Variants in LECT2 observed in about 807,000 individuals in gnomAD.
The protein encoded by LECT2 is leukocyte cell-derived chemotaxin-2.
In LECT2, 11 loss-of-function variants were observed where a neutral mutation model predicts 16.6. That is an observed-to-expected ratio of 0.66 (90% confidence interval 0.42 to 1.09). LECT2 has a LOEUF of 1.09. Ranked by LOEUF, LECT2 falls within the 50% of genes least tolerant of loss-of-function variation. The probability of loss-of-function intolerance (pLI) is 0.00; values close to 1 mark genes in which losing one functional copy is unlikely to be tolerated. For missense variants in LECT2, 173 were observed against 184.2 expected (o/e 0.94, Z 0.35); for synonymous variants, 54 against 64.8 (o/e 0.83, Z 0.80).
chr5:135,951,642 T>A (rs1407644695), intron 2 of LECT2: 1 of 336,054 alleles, frequency 3.0e-6, no homozygotes, highest in East Asian at 4.6e-5. Context: ...TATTATTTTA[T>A]GGCATGTTGG....
rs1017905760 is a variant in LECT2 at position 135,947,134 on chromosome 5, T to G, written c.*197A>C. On this transcript the variant is annotated 3_prime_UTR_variant, in exon 4 of 4. Coordinates refer to ENST00000274507, the MANE Select transcript of LECT2 (RefSeq NM_002302.3). ...TAATTAAAAAATTTTTGTGGGTACATAGGTGTATTTGTTTATGAGGTACGT... is the reference window on the plus strand; with the variant it reads ...TAATTAAAAAATTTTTGTGGGTACAGAGGTGTATTTGTTTATGAGGTACGT... The G allele has an allele frequency of 2.7e-5, 12 of 442,302 alleles. No homozygotes were observed. The South Asian group carries it at 8.4e-4, about 31-fold the overall frequency. 27.4% of individuals were successfully genotyped at this position (442,302 alleles called of 1,614,324 possible).
intron 1 of LECT2, among the ~76,000 whole-genome samples, chr5:135,953,809 G>A (rs1033037758): frequency 4.6e-5 from 7 of 152,124 alleles, no homozygotes; most frequent in African/African-American, 1.7e-4. Context: ...CATGGAAGAG[G>A]GAGATTCTTA....
intron 1 of LECT2, 36 bp from the exon 2 acceptor site, chr5:135,953,003 C>T (rs1240127949): frequency 7.0e-7 from 1 of 1,418,734 alleles, no homozygotes; most frequent in African/African-American, 1.4e-5. Flanking sequence ...AGCTCCTGGC[C>T]TCAGACATTT....
rs775103596 is a variant in LECT2, at chr5:135,951,341, G to GT, written c.170dup (p.Asp57GlufsTer33). The GT allele has an allele frequency of 5.0e-6, 8 of 1,613,582 alleles. No homozygotes were observed. The highest frequency in any genetic ancestry group is 6.8e-6 in the Non-Finnish European group (8 of 1,179,740). On this transcript the variant is annotated frameshift_variant, in exon 3 of 4. Transcript: ENST00000274507. LOFTEE classifies it high-confidence loss of function. ...CAGTAGATCCAGCAGAGCACAAGATGTCCACACCCTGGTGAGGCCTCTGAC... is the reference window on the plus strand; with the variant it reads ...CAGTAGATCCAGCAGAGCACAAGATGTTCCACACCCTGGTGAGGCCTCTGAC...
At chr5:135,952,579 C>A (rs1047035698) in intron 2 of LECT2, among the ~76,000 whole-genome samples, 1 of 152,122 alleles carries the variant, frequency 6.6e-6, no homozygotes, top group Non-Finnish European at 1.5e-5. Flanking sequence ...TGTTTAATAA[C>A]CCTTTGGAAA....
At chr5:135,951,633 A>G (rs1051722960) in intron 2 of LECT2, 5 of 357,600 alleles carry the variant, frequency 1.4e-5, no homozygotes, top group Non-Finnish European at 2.5e-5. Flanking sequence ...ATTAGCTACT[A>G]TTATTTTATG....
At chr5:135,954,687 G>T in intron 1 of LECT2, 101 bp downstream of exon 1, 1 of 808,796 alleles carries the variant, frequency 1.2e-6, no homozygotes, top group Non-Finnish European at 2.2e-6. Context: ...ACAAGTCTTT[G>T]TTGTGATCAT....
intron 3 of LECT2, among the ~76,000 whole-genome samples, chr5:135,948,489 T>C (rs1438988903): frequency 6.6e-6 from 1 of 152,148 alleles, no homozygotes; most frequent in Non-Finnish European, 1.5e-5. Context: ...TGAGATGTGC[T>C]TTAATGGTAA....
At chr5:135,948,804 A>T (rs1384699523) in intron 3 of LECT2, among the ~76,000 whole-genome samples, 2 of 151,732 alleles carry the variant, frequency 1.3e-5, no homozygotes, top group Non-Finnish European at 2.9e-5. Context: ...CCTCCTGAGT[A>T]GCAGGGACTA....
At chr5:135,950,838 T>C (rs1457471537) in intron 3 of LECT2, 1 of 263,004 alleles carries the variant, frequency 3.8e-6, no homozygotes, top group Non-Finnish European at 7.1e-6. Context: ...CAATCAGCTG[T>C]GGGGTTTCGT....
Position 135,952,826 on chromosome 5 carries a change from G to C in LECT2, c.143+45C>G, listed in dbSNP as rs752741485. On this transcript the variant is annotated intron_variant, in intron 2 of 3. Coordinates refer to ENST00000274507, the MANE Select transcript of LECT2 (RefSeq NM_002302.3). ...GTTGGGCAAGGACACTAAGAAAAGA[G>C]GTTAGGGACCAAAGGGTTGGGTGGG... 2.9e-6 allele frequency: 4 copies of C among 1,402,366 alleles called. No homozygotes were observed. In the Admixed American group the frequency reaches 6.7e-5, roughly 24 times the overall value. The allele number at this position is 1,402,366 out of a possible 1,614,324, so 86.9% of individuals were successfully genotyped here.
chr5:135,953,042 C>T (rs770851361), intron 1 of LECT2, 75 bp from the exon 2 acceptor site: 53 of 913,262 alleles, frequency 5.8e-5, no homozygotes, highest in Admixed American at 3.3e-4. Flanking sequence ...ATCAGTCACA[C>T]AGTTGATCCT....
At chr5:135,953,349 G>A (rs1188032073) in intron 1 of LECT2, among the ~76,000 whole-genome samples, 4 of 151,910 alleles carry the variant, frequency 2.6e-5, no homozygotes, top group African/African-American at 9.7e-5. Flanking sequence ...CTACAGGTGC[G>A]CACCACCACA....
intron 1 of LECT2, among the ~76,000 whole-genome samples, chr5:135,953,827 T>C (rs1331368873): frequency 6.6e-6 from 1 of 152,176 alleles, no homozygotes; most frequent in Admixed American, 6.5e-5. Flanking sequence ...TTAAAAATAA[T>C]CTGAAATGTC....
At chr5:135,948,828 C>T (rs1241041466) in intron 3 of LECT2, among the ~76,000 whole-genome samples, 2 of 151,958 alleles carry the variant, frequency 1.3e-5, no homozygotes, top group African/African-American at 4.8e-5. Context: ...GCGCCCGCCA[C>T]CACATCTGGC....
chr5:135,951,090 CTCTAT>C, intron 3 of LECT2, 128 bp downstream of exon 3: 1 of 923,904 alleles, frequency 1.1e-6, no homozygotes, highest in East Asian at 2.5e-5. Flanking sequence ...TTTGGGTACA[CTCTAT>C]ATTCTTTCTG....
At chr5:135,950,706 A>G (rs1350238607) in intron 3 of LECT2, 1 of 154,682 alleles carries the variant, frequency 6.5e-6, no homozygotes, top group Non-Finnish European at 1.4e-5. Flanking sequence ...AAGTGCCAGC[A>G]TTTATGATTT....
intron 2 of LECT2, 70 bp downstream of exon 2, chr5:135,952,801 G>A (rs1280077276): frequency 1.0e-5 from 11 of 1,096,986 alleles, no homozygotes; most frequent in Middle Eastern, 2.3e-4. Context: ...GGCAACCAAC[G>A]TTGGGCAAGG....
At chr5:135,947,548 C>A in intron 3 of LECT2, 51 bp from the exon 4 acceptor site, 3 of 1,417,614 alleles carry the variant, frequency 2.1e-6, no homozygotes, top group South Asian at 1.7e-5. Context: ...AATCTTGAAT[C>A]TGAAATTAAA....
Sources: gnomAD v4.1 joint callset for allele counts (sites outside exome capture counted in the v4.1 genomes callset) on GRCh38, gnomAD v4.1.1 for gene constraint, MANE v1.5 for transcripts, NCBI Gene and HGNC (gene_info 2026-07-23, HGNC 2026-07-21) for gene names.